TASOR2: variants seen among roughly 807,000 people sequenced by gnomAD.
The protein encoded by TASOR2 is protein TASOR 2.
Under a neutral mutation model 199.5 loss-of-function variants are expected in TASOR2, and 84 were observed. The observed-to-expected ratio is 0.42, with a 90% CI of 0.35 to 0.50. TASOR2 has a LOEUF of 0.50. Among genes scored for constraint, TASOR2 ranks in the 20% least tolerant of loss-of-function variants. The pLI is 0.02. For synonymous variants in TASOR2, 1,103 were observed against 1,046.6 expected (o/e 1.05, Z -1.04); for missense variants, 2,796 against 2,835.9 (o/e 0.99, Z 0.32).
chr10:5,696,880 ACTG>A (rs1177477547), intron 1 of TASOR2, among the ~76,000 whole-genome samples: 1 of 152,184 alleles, frequency 6.6e-6, no homozygotes, highest in African/African-American at 2.4e-5. Context: ...TATAAAAAAA[ACTG>A]CTGCGACAGA....
Position 5,748,525 on chromosome 10 carries a change from G to C in TASOR2, c.5104G>C (p.Glu1702Gln). ...GCTTAAGAATGGTGAGCCTGAAGCTGAGTTACATAAAGAAACCACAGGTCC... is the reference window on the plus strand; with the variant it reads ...GCTTAAGAATGGTGAGCCTGAAGCTCAGTTACATAAAGAAACCACAGGTCC... The change falls in exon 15 of 21, where the codon GAG becomes CAG. Residue 1702 changes from glutamate to glutamine, a missense_variant. Transcript: ENST00000328090. This position sits in a 1 kb window ranked among gnomAD's most constrained non-coding sequence, Gnocchi z 5.1. 7 of 1,613,570 alleles carry C rather than the reference G, an allele frequency of 4.3e-6. No homozygotes were observed. Among genetic ancestry groups the C allele is most frequent in the Non-Finnish European group, 5.9e-6 (7 of 1,180,032 alleles).
chr10:5,718,360 G>T (rs1832902744), intron 3 of TASOR2, among the ~76,000 whole-genome samples: 1 of 144,058 alleles, frequency 6.9e-6, no homozygotes, highest in African/African-American at 2.6e-5. Context: ...TAAATTCTTT[G>T]GTTATCAGCC....
At chr10:5,725,882 A>AG (rs1242865829) in intron 8 of TASOR2, among the ~76,000 whole-genome samples, 1 of 152,214 alleles carries the variant, frequency 6.6e-6, no homozygotes, top group Admixed American at 6.5e-5. Context: ...TACAACACAT[A>AG]GGGGCTCTCA....
In TASOR2 at chr10:5,748,408, G is replaced by A; in HGVS notation, c.4987G>A (p.Asp1663Asn). Residue 1663 changes from aspartate to asparagine, a missense_variant, in exon 15 of 21, where the codon GAC (aspartate) becomes AAC (asparagine). Asp to Asn is a conservative substitution (Grantham distance 23, BLOSUM62 1). Coordinates refer to ENST00000328090, the Ensembl canonical transcript of TASOR2. This position sits in a 1 kb window ranked among gnomAD's most constrained non-coding sequence, Gnocchi z 5.1. ...GGTCCCCACGCTTTGTTCTTCCTCA[G>A]ACAATGCTACATTAACCCATTATGT... 1 of 1,614,222 alleles carries A rather than the reference G, an allele frequency of 6.2e-7. No homozygotes were observed. Among genetic ancestry groups the A allele is most frequent in the African/African-American group, 1.3e-5 (1 of 75,062 alleles).
chr10:5,728,222 A>G (rs1174417591), intron 10 of TASOR2, among the ~76,000 whole-genome samples: 1 of 4,334 alleles, frequency 2.3e-4, no homozygotes, highest in East Asian at 5.3e-3. Context: ...CCCTGTTTCA[A>G]AAAAAAAAAA....
intron 3 of TASOR2, among the ~76,000 whole-genome samples, chr10:5,718,759 CT>C (rs1305144264): frequency 4.7e-4 from 27 of 56,916 alleles, no homozygotes; most frequent in Non-Finnish European, 4.2e-5. Flanking sequence ...AAAACTCTGT[CT>C]CAAAAAAAAA....
chr10:5,741,906 A>G (rs1212019617), intron 13 of TASOR2, among the ~76,000 whole-genome samples, 191 bp from the exon 15 acceptor site: 1 of 152,252 alleles, frequency 6.6e-6, no homozygotes, highest in Non-Finnish European at 1.5e-5. Flanking sequence ...CCGTCTCTGT[A>G]AAATGAGTGG....
At chr10:5,697,242 G>A (rs992185260) in intron 1 of TASOR2, among the ~76,000 whole-genome samples, 2 of 152,102 alleles carry the variant, frequency 1.3e-5, no homozygotes, top group Non-Finnish European at 2.9e-5. Context: ...GGCAGAGAAC[G>A]AGGTGCTAGC....
At position 5,763,047 on chromosome 10, in the gene TASOR2, G is replaced by T. The variant is rs551904436; in HGVS notation, c.*15G>T. On this transcript the variant is annotated 3_prime_UTR_variant, in exon 21 of 21. Transcript: ENST00000328090. ...TCTTCAGGTGACTCAACTACAGCCT[G>T]CCTGGATATGGATGATGCCAATAAA... 4.1e-5 allele frequency: 66 copies of T among 1,611,414 alleles called. 1 individual carries two copies. In the South Asian group the frequency reaches 7.0e-4, roughly 17 times the overall value.
intron 2 of TASOR2, among the ~76,000 whole-genome samples, chr10:5,715,169 G>A (rs1209895800): frequency 6.6e-6 from 1 of 151,772 alleles, no homozygotes; most frequent in Non-Finnish European, 1.5e-5. Flanking sequence ...GTAGAATGTG[G>A]AGATCAGAAC....
chr10:5,758,757 A>G, intron 17 of TASOR2, 130 bp from the exon 19 acceptor site: 1 of 653,718 alleles, frequency 1.5e-6, no homozygotes, highest in Non-Finnish European at 2.6e-6. Context: ...AGTGACAGTG[A>G]TGGTGTGTAC....
chr10:5,685,499 C>A lies in TASOR2; in HGVS notation c.-288+324C>A, dbSNP rs533229748. Among the ~76,000 whole-genome samples, 33 of 152,204 alleles carry A rather than the reference C, an allele frequency of 2.2e-4. No individual in the cohort carries two copies. The highest frequency in any genetic ancestry group is 3.9e-4 in the Admixed American group (6 of 15,284). ...GTCCTCAGGGATATGCTGATAAGTT[C>A]TTGGCTGAAGTTTCCGTCTTCGGGT... On this transcript the variant is annotated intron_variant, in intron 1 of 20. Coordinates refer to ENST00000328090, the Ensembl canonical transcript of TASOR2. The surrounding 1 kb of genome is among the most constrained non-coding windows in gnomAD (Gnocchi z 5.4).
rs1285213597 is a variant in TASOR2, at chr10:5,737,377, A to T, written c.1447+1831A>T. Among the ~76,000 whole-genome samples, 1 of 151,270 alleles carries T rather than the reference A, an allele frequency of 6.6e-6. No individual in the cohort carries two copies. The highest frequency in any genetic ancestry group is 2.4e-5 in the African/African-American group (1 of 41,072). ...CTGAAGATTTTTTTAAAAGCTCATC[A>T]TGTCATTCAAAAACCCATATGCTGC... On this transcript the variant is annotated intron_variant, in intron 12 of 20. Transcript: ENST00000328090. This position sits in a 1 kb window ranked among gnomAD's most constrained non-coding sequence, Gnocchi z 4.9.
chr10:5,744,410 C>T (rs930797811), intron 14 of TASOR2, among the ~76,000 whole-genome samples: 1 of 152,192 alleles, frequency 6.6e-6, no homozygotes, highest in African/African-American at 2.4e-5. Flanking sequence ...TCAACTGATT[C>T]TCCTGCCTCA....
At chr10:5,745,767 A>G (rs1005341306) in intron 14 of TASOR2, among the ~76,000 whole-genome samples, 2 of 152,152 alleles carry the variant, frequency 1.3e-5, no homozygotes, top group Admixed American at 1.3e-4. Context: ...CGATAAAGCA[A>G]GACGCTGTCT....
In TASOR2 at chr10:5,710,669, C is replaced by T. The variant is rs146024282; in HGVS notation, c.-287-2154C>T. Among the ~76,000 whole-genome samples the T allele has an allele frequency of 1.2e-3, 187 of 152,140 alleles. 3 individuals carry two copies. The East Asian group carries it at 0.026, about 22-fold the overall frequency. ...CGTATGTAACTTAAATCTGTGCCTA[C>T]CTATTAATGACTTACAGAATTTAGA... On this transcript the variant is annotated intron_variant, in intron 1 of 20. Transcript: ENST00000328090. This position sits in a 1 kb window ranked among gnomAD's most constrained non-coding sequence, Gnocchi z 4.6.
chr10:5,761,656 A>G (rs1376116964), intron 19 of TASOR2, 185 bp downstream of exon 20: 2 of 593,802 alleles, frequency 3.4e-6, no homozygotes, highest in African/African-American at 3.7e-5. Flanking sequence ...AGGTAACTAC[A>G]CAATCCTCCT....
intron 1 of TASOR2, among the ~76,000 whole-genome samples, chr10:5,691,212 A>C (rs188418904): frequency 1.4e-4 from 21 of 151,656 alleles, no homozygotes; most frequent in African/African-American, 5.1e-4. Context: ...AAAGAAAGTT[A>C]TATGATCTTG....
Position 5,707,883 on chromosome 10 carries a change from C to T in TASOR2, c.-287-4940C>T, listed in dbSNP as rs141815748. Among the ~76,000 whole-genome samples, 298 of 152,146 alleles carry T rather than the reference C, an allele frequency of 2.0e-3. 2 individuals are homozygous for T. The highest frequency in any genetic ancestry group is 6.8e-3 in the African/African-American group (281 of 41,498). On this transcript the variant is annotated intron_variant, in intron 1 of 20. Transcript: ENST00000328090. Reference sequence around the variant, plus strand: ...GAAGTCAATCCAATGTGTCTTTAACCACTGTCTCAAAACACATTAGTGGTA... The same window carrying T: ...GAAGTCAATCCAATGTGTCTTTAACTACTGTCTCAAAACACATTAGTGGTA...
Sources: allele counts gnomAD v4.1 joint callset (sites outside exome capture counted in the v4.1 genomes callset), GRCh38; gene constraint gnomAD v4.1.1; non-coding constraint Gnocchi (gnomAD v3.1); transcripts MANE v1.5; gene names NCBI Gene and HGNC (gene_info 2026-07-23, HGNC 2026-07-21).